RNF182: variants seen among roughly 807,000 people sequenced by gnomAD.
RNF182 encodes the protein ring finger protein 182.
Under a neutral mutation model 14.4 loss-of-function variants are expected in RNF182, and 15 were observed. The ratio of observed to expected loss-of-function variants is 1.04; its 90% CI spans 0.70 to 1.60. The LOEUF (loss-of-function observed/expected upper bound fraction) is 1.60, where lower values mean the gene tolerates loss of function less well. RNF182 is among the 40% of genes most tolerant of loss of function. RNF182 has a pLI of 0.00. For missense variants in RNF182, 268 were observed against 294.8 expected, an observed-to-expected ratio of 0.91 and a Z score of 0.67; for synonymous variants, 128 against 122.9, an observed-to-expected ratio of 1.04 and a Z score of -0.27.
chr6:13,945,158 A>G (rs1379175217), intron 1 of RNF182, among the ~76,000 whole-genome samples: 2 of 152,228 alleles, frequency 1.3e-5, no homozygotes, highest in African/African-American at 2.4e-5. Context: ...GTCTTTAGCC[A>G]TCAAGCCCAG....
intron 1 of RNF182, among the ~76,000 whole-genome samples, chr6:13,951,683 G>A (rs1272234286): frequency 6.6e-6 from 1 of 152,154 alleles, no homozygotes; most frequent in Non-Finnish European, 1.5e-5. Context: ...TTGCCAGCAT[G>A]CCAGGTTTCT....
intron 1 of RNF182, among the ~76,000 whole-genome samples, chr6:13,946,971 T>C (rs903055887): frequency 2.0e-5 from 3 of 152,196 alleles, no homozygotes; most frequent in Non-Finnish European, 4.4e-5. Context: ...TAAGAAAACA[T>C]TGAGTAAGCT....
At chr6:13,953,741 T>G (rs1296150502) in intron 1 of RNF182, among the ~76,000 whole-genome samples, 1 of 152,196 alleles carries the variant, frequency 6.6e-6, no homozygotes, top group African/African-American at 2.4e-5. Context: ...TCTGCATTCC[T>G]TAGCACTCTG....
intron 1 of RNF182, among the ~76,000 whole-genome samples, chr6:13,947,861 C>G (rs973631799): frequency 1.3e-5 from 2 of 152,156 alleles, no homozygotes; most frequent in African/African-American, 4.8e-5. Flanking sequence ...CCAATTGTGT[C>G]TTGTCACAAA....
chr6:13,945,182 C>T (rs1759408275), intron 1 of RNF182, among the ~76,000 whole-genome samples: 1 of 152,152 alleles, frequency 6.6e-6, no homozygotes, highest in South Asian at 2.1e-4. Flanking sequence ...CTTAATTTCT[C>T]AGATGAAAAA....
intron 1 of RNF182, among the ~76,000 whole-genome samples, chr6:13,953,852 G>A (rs1042711860): frequency 1.3e-5 from 2 of 152,108 alleles, no homozygotes; most frequent in Non-Finnish European, 2.9e-5. Flanking sequence ...TGAGGCCATC[G>A]CCAGCACCTA....
chr6:13,963,529 C>G (rs1759933370), intron 1 of RNF182, among the ~76,000 whole-genome samples: 1 of 152,200 alleles, frequency 6.6e-6, no homozygotes, highest in African/African-American at 2.4e-5. Flanking sequence ...CTCATTCAAA[C>G]AGGTGTTGTC....
At chr6:13,927,042 A>G (rs1758848138) in intron 1 of RNF182, among the ~76,000 whole-genome samples, 2 of 152,148 alleles carry the variant, frequency 1.3e-5, no homozygotes, top group Admixed American at 1.3e-4. Context: ...ACAACATTCA[A>G]TATAGTTTGG....
rs186730528 is a variant in RNF182, at chr6:13,952,667, G to A, written c.-366-21543G>A. Among the ~76,000 whole-genome samples the A allele has an allele frequency of 2.2e-3, 340 of 152,134 alleles. 1 individual carries two copies. Among genetic ancestry groups the A allele is most frequent in the African/African-American group, 7.9e-3 (328 of 41,496 alleles). On this transcript the variant is annotated intron_variant, in intron 1 of 2. Coordinates refer to ENST00000488300, the MANE Select transcript of RNF182 (RefSeq NM_152737.4). ...CATCACAGAATATGTTACTGGAAAG[G>A]GGTCCCAGTCCAGACCCCAAGAGAG...
intron 1 of RNF182, among the ~76,000 whole-genome samples, chr6:13,962,712 G>A (rs188634077): frequency 6.6e-6 from 1 of 152,166 alleles, no homozygotes; most frequent in East Asian, 1.9e-4. Context: ...CAGGATGGGA[G>A]GAATATTTTG....
chr6:13,942,228 T>G (rs1759316131), intron 1 of RNF182, among the ~76,000 whole-genome samples: 1 of 152,220 alleles, frequency 6.6e-6, no homozygotes, highest in Non-Finnish European at 1.5e-5. Flanking sequence ...AAATTTTTTC[T>G]TTGTGTTTGG....
rs1760395306 is a variant in RNF182 at position 13,978,259 on chromosome 6, CAA to C, written c.*398_*399del. On this transcript the variant is annotated 3_prime_UTR_variant, in exon 3 of 3. Coordinates refer to ENST00000488300, the MANE Select transcript of RNF182 (RefSeq NM_152737.4). ...ACAAGAGGAAAGTTGCTCTGAGACACAAAGTGTGTACTCCTTTCCCACCCCAT... is the reference window on the plus strand; with the variant it reads ...ACAAGAGGAAAGTTGCTCTGAGACACAGTGTGTACTCCTTTCCCACCCCAT... 5.4e-6 allele frequency: 1 copy of C among 184,250 alleles called. No homozygotes were observed. Among genetic ancestry groups the C allele is most frequent in the Non-Finnish European group, 1.3e-5 (1 of 77,654 alleles). 11.4% of individuals were successfully genotyped at this position (184,250 alleles called of 1,614,324 possible).
Position 13,977,868 on chromosome 6 carries a change from T to C in RNF182, c.*5T>C, listed in dbSNP as rs373606738. 138 of 1,597,622 alleles carry C rather than the reference T, an allele frequency of 8.6e-5. No homozygotes were observed. The highest frequency in any genetic ancestry group is 5.0e-5 in the Non-Finnish European group (59 of 1,171,302). On this transcript the variant is annotated 3_prime_UTR_variant, in exon 3 of 3. Transcript: ENST00000488300. ...TGTATGGCACCTCCTTCTTAACTGA[T>C]ATGCAAAATAAGAAATTGGACACAC...
chr6:13,940,831 A>G (rs1585033446), intron 1 of RNF182, among the ~76,000 whole-genome samples: 2 of 152,106 alleles, frequency 1.3e-5, no homozygotes, highest in Non-Finnish European at 2.9e-5. Flanking sequence ...TTCTTTGACC[A>G]TAAGTTATTA....
At chr6:13,954,716 A>G (rs1292099492) in intron 1 of RNF182, among the ~76,000 whole-genome samples, 1 of 152,042 alleles carries the variant, frequency 6.6e-6, no homozygotes, top group Admixed American at 6.6e-5. Context: ...CTTGCAATTT[A>G]TTTATTGAAG....
At chr6:13,961,639 T>TA (rs1339815404) in intron 1 of RNF182, 1 of 152,224 alleles carries the variant, frequency 6.6e-6, no homozygotes, top group Non-Finnish European at 1.5e-5. Context: ...CAGCACAGCA[T>TA]AAATCACAAC....
chr6:13,973,377 G>A (rs889656447), intron 1 of RNF182, among the ~76,000 whole-genome samples: 3 of 152,116 alleles, frequency 2.0e-5, no homozygotes, highest in African/African-American at 4.8e-5. Context: ...GGGAGGGCAC[G>A]ATTGGTTTTG....
chr6:13,948,799 C>T (rs949651553), intron 1 of RNF182, among the ~76,000 whole-genome samples: 55 of 152,138 alleles, frequency 3.6e-4, no homozygotes, highest in African/African-American at 1.2e-3. Flanking sequence ...AAAACCTTTA[C>T]CCATTGATAG....
chr6:13,932,039 T>C (rs1758985343), intron 1 of RNF182, among the ~76,000 whole-genome samples: 1 of 152,196 alleles, frequency 6.6e-6, no homozygotes, highest in African/African-American at 2.4e-5. Flanking sequence ...GCCAGCACCT[T>C]AATCTTGGAC....
Sources: gnomAD v4.1 joint callset for allele counts (sites outside exome capture counted in the v4.1 genomes callset) on GRCh38, gnomAD v4.1.1 for gene constraint, MANE v1.5 for transcripts, NCBI Gene and HGNC (gene_info 2026-07-23, HGNC 2026-07-21) for gene names.